The following MS4A4E variants were observed in gnomAD, a reference collection of about 807,000 sequenced individuals.
The protein encoded by MS4A4E is putative membrane-spanning 4-domains subfamily A member 4E.
Under a neutral mutation model 13.3 loss-of-function variants are expected in MS4A4E, and 23 were observed. The ratio of observed to expected loss-of-function variants is 1.73; its 90% CI spans 1.25 to 2.45. The LOEUF (loss-of-function observed/expected upper bound fraction) is 2.45, where lower values mean the gene tolerates loss of function less well. Ranked by LOEUF, MS4A4E falls within the 30% of genes most tolerant of loss-of-function variation. The pLI is 0.00. For missense variants in MS4A4E, 144 were observed against 131.2 expected (o/e 1.10, Z -0.48); for synonymous variants, 36 against 45.6 (o/e 0.79, Z 0.85).
intron 5 of MS4A4E, among the ~76,000 whole-genome samples, chr11:60,210,853 A>G (rs1015416232): frequency 2.6e-5 from 4 of 152,228 alleles, no homozygotes; most frequent in African/African-American, 9.6e-5. Flanking sequence ...AAATGTTCAC[A>G]CAGTTAATAG....
chr11:60,226,934 G>T (rs900561311), intron 3 of MS4A4E, among the ~76,000 whole-genome samples: 9 of 152,200 alleles, frequency 5.9e-5, no homozygotes, highest in African/African-American at 2.2e-4. Flanking sequence ...TTATATTAAG[G>T]TTGTAGGATA....
At position 60,201,599 on chromosome 11, in the gene MS4A4E, C is replaced by T. The variant is rs1045624960; in HGVS notation, c.940G>A (p.Gly314Ser). 37 of 313,102 alleles carry T rather than the reference C, an allele frequency of 1.2e-4. No individual in the cohort carries two copies. In the East Asian group the frequency reaches 1.4e-3, roughly 12 times the overall value. 19.4% of individuals were successfully genotyped at this position (313,102 alleles called of 1,614,324 possible). A position where few individuals can be genotyped will look rare whatever the true frequency, so the allele number is the denominator to read the frequency against. ...PSRKWGAPLP[G>S]HHPIWEVRSV... ...CTCACCTCCCAGATGGGATGGTGGCCGGGAAGAGGCGCTCCCCACTTCCTA... is the reference window on the plus strand; with the variant it reads ...CTCACCTCCCAGATGGGATGGTGGCTGGGAAGAGGCGCTCCCCACTTCCTA... Residue 314 changes from glycine to serine, a missense_variant, in exon 9 of 9, where the codon GGC (glycine) becomes AGC (serine). This residue lies in a region of MS4A4E where 21 missense variants were observed against 25.1 expected (regional missense o/e 0.84). Coordinates refer to ENST00000651255, the MANE Select transcript of MS4A4E (RefSeq NM_001393391.1).
At chr11:60,209,565 T>A (rs572777854) in intron 5 of MS4A4E, among the ~76,000 whole-genome samples, 3 of 152,360 alleles carry the variant, frequency 2.0e-5, no homozygotes, top group African/African-American at 7.2e-5. Context: ...TTCTGCCTAA[T>A]GATTTGTAGT....
intron 1 of MS4A4E, among the ~76,000 whole-genome samples, chr11:60,240,280 T>A (rs1442037872): frequency 3.9e-5 from 6 of 152,226 alleles, no homozygotes; most frequent in African/African-American, 7.2e-5. Flanking sequence ...GTTACATACC[T>A]TCTATGCTCC....
At chr11:60,241,551 A>G (rs993265825) in intron 1 of MS4A4E, among the ~76,000 whole-genome samples, 1 of 152,172 alleles carries the variant, frequency 6.6e-6, no homozygotes, top group Non-Finnish European at 1.5e-5. Flanking sequence ...AACATAGGTC[A>G]GGTTCTGGTC....
intron 3 of MS4A4E, among the ~76,000 whole-genome samples, chr11:60,216,274 C>T (rs1040152389): frequency 1.5e-4 from 23 of 152,038 alleles, no homozygotes; most frequent in Admixed American, 5.2e-4. Context: ...CTACTGAACA[C>T]GTGTGGAAGG....
rs1360303372 is a variant in MS4A4E at position 60,223,675 on chromosome 11, G to A, written c.178+4919C>T. Among the ~76,000 whole-genome samples, 3 of 152,280 alleles carry A rather than the reference G, an allele frequency of 2.0e-5. No individual in the cohort carries two copies. In the East Asian group the frequency reaches 5.8e-4, roughly 29 times the overall value. ...ATCTACTCAGCTGCCAGTGTGGCCA[G>A]AATAAAAGTAGGCAGAAGAACATAG... On this transcript the variant is annotated intron_variant, in intron 3 of 8. Transcript: ENST00000651255.
intron 3 of MS4A4E, among the ~76,000 whole-genome samples, chr11:60,221,347 G>T (rs778217337): frequency 7.2e-5 from 11 of 152,204 alleles, no homozygotes; most frequent in Non-Finnish European, 8.8e-5. Context: ...GCACAAGTAA[G>T]TTATATGAGG....
rs7929057 is a variant in MS4A4E, at chr11:60,213,125, C to T, written c.230G>A (p.Gly77Asp). 84,763 of 668,272 alleles carry T rather than the reference C, an allele frequency of 0.13. 5,715 individuals carry two copies. Among genetic ancestry groups the T allele is most frequent in the South Asian group, 0.17 (8,008 of 48,186 alleles). The allele number at this position is 668,272 out of a possible 1,614,324, so 41.4% of individuals were successfully genotyped here. A position where few individuals can be genotyped will look rare whatever the true frequency, so the allele number is the denominator to read the frequency against. ...GIRTTKGLVGGSLGKNITSSV... is the reference protein window; with the variant it reads ...GIRTTKGLVGDSLGKNITSSV... ...ACTGGTGATATTCTTTCCTAGACTA[C>T]CTCCAACCTAGAAAGAAATGAAAAT... The change falls in exon 5 of 9, where the codon GGT (glycine) becomes GAT (aspartate). Residue 77 changes from glycine to aspartate, a missense_variant. Physicochemically the swap from Gly to Asp is moderately conservative, Grantham distance 94. Transcript: ENST00000651255.
At chr11:60,219,343 A>G (rs1002306256) in intron 3 of MS4A4E, among the ~76,000 whole-genome samples, 1 of 152,218 alleles carries the variant, frequency 6.6e-6, no homozygotes, top group Non-Finnish European at 1.5e-5. Context: ...CTCAGCCATC[A>G]AAGGAAAGGT....
chr11:60,216,376 A>G (rs917383573), intron 3 of MS4A4E, among the ~76,000 whole-genome samples: 1 of 152,130 alleles, frequency 6.6e-6, no homozygotes, highest in African/African-American at 2.4e-5. Context: ...TGTGATTCTG[A>G]TAATGGAGTG....
chr11:60,233,254 C>T (rs78408366), intron 1 of MS4A4E, among the ~76,000 whole-genome samples: 12 of 152,288 alleles, frequency 7.9e-5, no homozygotes, highest in African/African-American at 2.6e-4. Flanking sequence ...CTATGTGGCA[C>T]TCCATTCCCC....
intron 8 of MS4A4E, among the ~76,000 whole-genome samples, chr11:60,204,396 C>CTT (rs10631023): frequency 0.91 from 138,970 of 152,172 alleles, 63,595 homozygotes; most frequent in Non-Finnish European, 0.94. Context: ...CAGTTCTGCT[C>CTT]GTCTGTGAGC....
intron 1 of MS4A4E, among the ~76,000 whole-genome samples, chr11:60,242,154 G>C (rs1474889157): frequency 6.6e-6 from 1 of 152,144 alleles, no homozygotes; most frequent in African/African-American, 2.4e-5. Context: ...TGGTGGCATG[G>C]GAAGGGAAAA....
chr11:60,200,806 T>C lies in MS4A4E; in HGVS notation c.*737A>G, dbSNP rs1382102345. ...GGCCCGTTCTCAATGAGCTATTGGG[T>C]ACACTTCCCAGATGGGGTGGTGGCC... is the stretch of plus-strand genomic sequence containing the variant. On this transcript the variant is annotated 3_prime_UTR_variant, in exon 9 of 9. Transcript: ENST00000651255. Among the ~76,000 whole-genome samples the C allele has an allele frequency of 9.8e-5, 15 of 152,344 alleles. No individual in the cohort carries two copies. In the East Asian group the frequency reaches 2.9e-3, roughly 29 times the overall value.
chr11:60,201,060 T>TG lies in MS4A4E; in HGVS notation c.*482dup, dbSNP rs539915904. ...CTCCCAGACGTGGTGGCTGGCCGGG[T>TG]GGGGGGCTGAACCCCCCACCTCCCT... On this transcript the variant is annotated 3_prime_UTR_variant, in exon 9 of 9. Transcript: ENST00000651255. 2.9e-5 allele frequency among the ~76,000 whole-genome samples: 3 copies of TG among 103,736 alleles called. No individual in the cohort carries two copies. Among genetic ancestry groups the TG allele is most frequent in the African/African-American group, 3.8e-5 (1 of 26,218 alleles). 68.1% of individuals were successfully genotyped at this position (103,736 alleles called of 152,430 possible).
chr11:60,223,437 A>G (rs1335773426), intron 3 of MS4A4E, among the ~76,000 whole-genome samples: 1 of 152,094 alleles, frequency 6.6e-6, no homozygotes, highest in Non-Finnish European at 1.5e-5. Context: ...TATTTTCTTT[A>G]TTTGAAAATC....
chr11:60,222,374 C>A (rs1474400973), intron 3 of MS4A4E, among the ~76,000 whole-genome samples: 1 of 152,190 alleles, frequency 6.6e-6, no homozygotes. Context: ...TCATGGAATT[C>A]ACTGGTCTTA....
intron 3 of MS4A4E, among the ~76,000 whole-genome samples, chr11:60,221,147 G>A (rs12420295): frequency 2.6e-5 from 4 of 152,154 alleles, no homozygotes; most frequent in Admixed American, 2.6e-4. Flanking sequence ...AAGAGCTCTT[G>A]CCCTGTTACT....
Sources: allele counts gnomAD v4.1 joint callset (sites outside exome capture counted in the v4.1 genomes callset), GRCh38; gene constraint gnomAD v4.1.1; regional missense constraint gnomAD v4.1.1; transcripts MANE v1.5; gene names NCBI Gene and HGNC (gene_info 2026-07-23, HGNC 2026-07-21).